Variants in CNOT1 observed in about 807,000 individuals in gnomAD.
CNOT1 encodes the protein CCR4-associated factor 1.
In CNOT1, 15 loss-of-function variants were observed where a neutral mutation model predicts 273.8. The ratio of observed to expected loss-of-function variants is 0.05; its 90% CI spans 0.04 to 0.08. CNOT1 has a LOEUF of 0.08. Ranked by LOEUF, CNOT1 falls within the 10% of genes least tolerant of loss-of-function variation. The probability of loss-of-function intolerance (pLI) is 1.00; values close to 1 mark genes in which losing one functional copy is unlikely to be tolerated. For missense variants in CNOT1, 1,644 were observed against 2,912.2 expected, an observed-to-expected ratio of 0.56 and a Z score of 10.02; for synonymous variants, 1,022 against 1,005.5, an observed-to-expected ratio of 1.02 and a Z score of -0.31.
At position 58,547,068 on chromosome 16, in the gene CNOT1, G is replaced by T; in HGVS notation, c.3750+118C>A. The T allele has an allele frequency of 7.3e-7, 1 of 1,369,670 alleles. No individual in the cohort carries two copies. The highest frequency in any genetic ancestry group is 9.7e-7 in the Non-Finnish European group (1 of 1,026,628). 84.8% of individuals were successfully genotyped at this position (1,369,670 alleles called of 1,614,324 possible). On this transcript the variant is annotated intron_variant, in intron 27 of 48. Coordinates refer to ENST00000317147, the MANE Select transcript of CNOT1 (RefSeq NM_016284.5). The surrounding 1 kb of genome is among the most constrained non-coding windows in gnomAD (Gnocchi z 4.0). ...AATTGGAAATCCAAGTGCCATAGAGGAAAACAGACTTAACTAGCTTTACCT... is the reference window on the plus strand; with the variant it reads ...AATTGGAAATCCAAGTGCCATAGAGTAAAACAGACTTAACTAGCTTTACCT...
chr16:58,610,260 A>C (rs200848798), intron 1 of CNOT1, among the ~76,000 whole-genome samples: 1 of 152,222 alleles, frequency 6.6e-6, no homozygotes, highest in East Asian at 1.9e-4. Context: ...TCTACTAAAA[A>C]TACAAAAAAC....
chr16:58,565,223 C>T (rs1384782175), intron 16 of CNOT1, among the ~76,000 whole-genome samples: 1 of 152,108 alleles, frequency 6.6e-6, no homozygotes, highest in African/African-American at 2.4e-5. Flanking sequence ...GATGATCCTC[C>T]AACCTCAGCC....
rs764561090 is a variant in CNOT1 at position 58,586,695 on chromosome 16, C to T, written c.487G>A (p.Ala163Thr). Residue 163 changes from alanine to threonine, a missense_variant, in exon 7 of 49, where the codon GCA becomes ACA. Around this residue, in one of 13 missense-constraint regions of CNOT1, gnomAD observed 706 missense variants for 1,021.2 expected, o/e 0.69. Coordinates refer to ENST00000317147, the MANE Select transcript of CNOT1 (RefSeq NM_016284.5). ...LPDLLRSYIDADVSGNQEGGF... is the reference protein window; with the variant it reads ...LPDLLRSYIDTDVSGNQEGGF... ...CCTTCTTGATTTCCACTGACGTCTGCGTCAATGTAAGAACGCAGAAGATCT... is the reference window on the plus strand; with the variant it reads ...CCTTCTTGATTTCCACTGACGTCTGTGTCAATGTAAGAACGCAGAAGATCT... 6.2e-6 allele frequency: 10 copies of T among 1,613,130 alleles called. No homozygotes were observed. The highest frequency in any genetic ancestry group is 7.6e-6 in the Non-Finnish European group (9 of 1,179,920).
chr16:58,616,343 T>C (rs2043081179), intron 1 of CNOT1, among the ~76,000 whole-genome samples: 1 of 137,180 alleles, frequency 7.3e-6, no homozygotes, highest in African/African-American at 2.6e-5. Context: ...TGACCTCAGG[T>C]GATCCACCTG....
intron 16 of CNOT1, among the ~76,000 whole-genome samples, chr16:58,563,314 T>C (rs1294432536): frequency 6.6e-6 from 1 of 152,206 alleles, no homozygotes; most frequent in African/African-American, 2.4e-5. Flanking sequence ...ACTGTATGGG[T>C]TGGTAGCTTA....
intron 10 of CNOT1, among the ~76,000 whole-genome samples, chr16:58,582,136 A>AAG (rs1416878970): frequency 6.6e-6 from 1 of 151,404 alleles, no homozygotes; most frequent in Non-Finnish European, 1.5e-5. Flanking sequence ...AAAAAAAAAA[A>AAG]AAAAAATTAG....
At chr16:58,570,483 T>A (rs8056620) in intron 16 of CNOT1, among the ~76,000 whole-genome samples, 114,390 of 152,016 alleles carry the variant, frequency 0.75, 43,446 homozygotes, top group Middle Eastern at 0.86. Context: ...TACAAAAAAT[T>A]AAAAAATTTA....
At position 58,601,734 on chromosome 16, in the gene CNOT1, T is replaced by TAAAAAAAAAAAAAAAA. The variant is rs66711143; in HGVS notation, c.-174-2239_-174-2224dup. ...ATATGCTAGTGCTCCATACCCACCT[T>TAAAAAAAAAAAAAAAA]AAAAAAAAAAAAAAAAAAAAGCCTG... On this transcript the variant is annotated intron_variant, in intron 1 of 48. Coordinates refer to ENST00000317147, the MANE Select transcript of CNOT1 (RefSeq NM_016284.5). Among the ~76,000 whole-genome samples, 22 of 91,512 alleles carry TAAAAAAAAAAAAAAAA rather than the reference T, an allele frequency of 2.4e-4. 1 individual carries two copies. The highest frequency in any genetic ancestry group is 3.6e-4 in the Non-Finnish European group (16 of 44,838). 60.0% of individuals were successfully genotyped at this position (91,512 alleles called of 152,430 possible).
At chr16:58,544,886 G>C (rs1233221260) in intron 30 of CNOT1, among the ~76,000 whole-genome samples, 1 of 152,162 alleles carries the variant, frequency 6.6e-6, no homozygotes, top group African/African-American at 2.4e-5. Context: ...CCTCCTTCTG[G>C]AACCAGGCCA....
chr16:58,580,190 C>T (rs527864873), intron 12 of CNOT1, among the ~76,000 whole-genome samples: 1 of 151,966 alleles, frequency 6.6e-6, no homozygotes, highest in South Asian at 2.1e-4. Context: ...TGAGATTGTG[C>T]CACTGCACTC....
chr16:58,566,760 A>G (rs1264411672), intron 16 of CNOT1, among the ~76,000 whole-genome samples: 1 of 152,066 alleles, frequency 6.6e-6, no homozygotes, highest in African/African-American at 2.4e-5. Flanking sequence ...CTGCCTCCCG[A>G]GTAGCTGGGA....
At chr16:58,618,240 T>G (rs1302975845) in intron 1 of CNOT1, among the ~76,000 whole-genome samples, 1 of 151,928 alleles carries the variant, frequency 6.6e-6, no homozygotes, top group African/African-American at 2.4e-5. Context: ...AGTTCAAGGC[T>G]GCATTGAGCT....
At chr16:58,595,678 G>A (rs1422150770) in intron 2 of CNOT1, among the ~76,000 whole-genome samples, 1 of 152,114 alleles carries the variant, frequency 6.6e-6, no homozygotes, top group African/African-American at 2.4e-5. Flanking sequence ...GAAGGGAAAT[G>A]AGGACTAGTC....
At chr16:58,573,033 G>A (rs548288448) in intron 16 of CNOT1, among the ~76,000 whole-genome samples, 3 of 151,810 alleles carry the variant, frequency 2.0e-5, no homozygotes, top group Admixed American at 6.6e-5. Context: ...GAGGCCAGGC[G>A]TAGTGGTTCA....
chr16:58,543,999 A>G (rs2151918566), intron 30 of CNOT1, 96 bp from the exon 31 acceptor site: 11 of 1,462,456 alleles, frequency 7.5e-6, no homozygotes, highest in Non-Finnish European at 7.2e-6. Context: ...AATCAAGATT[A>G]ACCAAAAACT....
Position 58,555,413 on chromosome 16 carries a change from A to G in CNOT1, c.2729T>C (p.Leu910Ser). ...ACCAAATAGGCAGGCTGTTATATGT[A>G]ACTCTTTATCAGGATACTGGGGAAA... Reference protein sequence around the residue: ...RFFPQYPDKELHITACLFGGI... With the variant: ...RFFPQYPDKESHITACLFGGI... Residue 910 changes from leucine (L) to serine (S), a missense_variant, in exon 21 of 49, where the codon TTA becomes TCA. Leu to Ser is a moderately radical substitution (Grantham distance 145, BLOSUM62 -2). This residue lies in a region of CNOT1 where 74 missense variants were observed against 184.6 expected (regional missense o/e 0.40). Transcript: ENST00000317147. 1 of 1,614,224 alleles carries G rather than the reference A, an allele frequency of 6.2e-7. No homozygotes were observed.
At chr16:58,543,359 A>T (rs1032886771) in intron 31 of CNOT1, 4 of 1,548,330 alleles carry the variant, frequency 2.6e-6, no homozygotes. Context: ...ATTTAAACCA[A>T]CAAATATTTG....
At chr16:58,560,917 C>T (rs1206530664) in intron 16 of CNOT1, among the ~76,000 whole-genome samples, 2 of 151,896 alleles carry the variant, frequency 1.3e-5, no homozygotes, top group Non-Finnish European at 2.9e-5. Flanking sequence ...CCCAGCTACT[C>T]GGGAGGCTGA....
chr16:58,541,981 T>G (rs897811845), intron 33 of CNOT1, among the ~76,000 whole-genome samples: 3 of 152,182 alleles, frequency 2.0e-5, no homozygotes, highest in Non-Finnish European at 4.4e-5. Flanking sequence ...TTGGGAAACA[T>G]GAAAACTAGC....
Sources: allele counts gnomAD v4.1 joint callset (sites outside exome capture counted in the v4.1 genomes callset), GRCh38; gene constraint gnomAD v4.1.1; regional missense constraint gnomAD v4.1.1; non-coding constraint Gnocchi (gnomAD v3.1); transcripts MANE v1.5; gene names NCBI Gene and HGNC (gene_info 2026-07-23, HGNC 2026-07-21).